TPRX1: variants seen among roughly 807,000 people sequenced by gnomAD.
TPRX1 encodes the protein tetra-peptide repeat homeobox protein 1.
Under a neutral mutation model 8.1 loss-of-function variants are expected in TPRX1, and 2 were observed. That is an observed-to-expected ratio of 0.25 (90% CI 0.10 to 0.78). TPRX1 has a LOEUF of 0.78. Among genes scored for constraint, TPRX1 ranks in the 30% least tolerant of loss-of-function variants. The probability of loss-of-function intolerance (pLI) is 0.70; values close to 1 mark genes in which losing one functional copy is unlikely to be tolerated. For synonymous variants in TPRX1, 257 were observed against 254.1 expected (o/e 1.01, Z -0.11); for missense variants, 517 against 586.9 (o/e 0.88, Z 1.23).
At chr19:47,802,385 C>A (rs1259253352) in exon 4 of TPRX1, 1 of 995,580 alleles carries the variant, frequency 1.0e-6, no homozygotes, top group Admixed American at 2.6e-5. Flanking sequence ...TGAGATTGGG[C>A]CTGGGATCGG....
exon 4 of TPRX1, chr19:47,802,343 A>T (rs773453525): frequency 1.7e-5 from 20 of 1,182,640 alleles, no homozygotes; most frequent in Admixed American, 7.2e-5. Context: ...TGGGCCTGGG[A>T]TCGGGCCTGG....
intron 2 of TPRX1, among the ~76,000 whole-genome samples, chr19:47,810,132 G>A (rs990557651): frequency 6.6e-6 from 1 of 150,828 alleles, no homozygotes; most frequent in Admixed American, 6.6e-5. Flanking sequence ...GAGGGCGCCT[G>A]TAATCCCAGC....
rs1317467655 is a variant in TPRX1, at chr19:47,818,344, CCATCCATCCATCCATCCATCCAT to C, written c.151+101_151+123del. ...ATCCATCCATCCATCCATCCATCAT[CCATCCATCCATCCATCCATCCAT>C]CATCCATCACCCATCCATCCCTCCA... On this transcript the variant is annotated intron_variant, in intron 2 of 3. Coordinates refer to ENST00000535759, the Ensembl canonical transcript of TPRX1. 11 of 278,558 alleles carry C rather than the reference CCATCCATCCATCCATCCATCCAT, an allele frequency of 3.9e-5. 1 individual carries two copies. The highest frequency in any genetic ancestry group is 2.0e-4 in the African/African-American group (5 of 24,544). 17.3% of individuals were successfully genotyped at this position (278,558 alleles called of 1,614,324 possible).
intron 3 of TPRX1, among the ~76,000 whole-genome samples, chr19:47,803,189 G>A (rs1967699412): frequency 6.6e-6 from 1 of 151,882 alleles, no homozygotes; most frequent in South Asian, 2.1e-4. Flanking sequence ...GGGTGGGATG[G>A]GAGGAGCGGG....
At chr19:47,810,349 T>TA (rs1967771709) in intron 2 of TPRX1, among the ~76,000 whole-genome samples, 1 of 129,858 alleles carries the variant, frequency 7.7e-6, no homozygotes, top group Admixed American at 7.4e-5. Flanking sequence ...CATCAATTTT[T>TA]TTTTTTTTTT....
At chr19:47,816,225 TACAGCTA>T (rs199786031) in intron 2 of TPRX1, among the ~76,000 whole-genome samples, 2,418 of 151,366 alleles carry the variant, frequency 0.016, 60 homozygotes, top group African/African-American at 0.054. Context: ...CACACCACCA[TACAGCTA>T]ATTTTTTGTA....
intron 2 of TPRX1, among the ~76,000 whole-genome samples, chr19:47,809,034 G>C (rs1967759610): frequency 6.6e-6 from 1 of 152,096 alleles, no homozygotes. Flanking sequence ...TCTGCTTGCT[G>C]TTTGCTGAAA....
exon 4 of TPRX1, chr19:47,801,654 A>T: frequency 8.3e-7 from 1 of 1,206,660 alleles, no homozygotes; most frequent in Non-Finnish European, 1.1e-6. Flanking sequence ...TGAAGACAGC[A>T]AATGTCCACC....
At chr19:47,802,495 T>C (rs1967684905) in exon 4 of TPRX1, 4 of 1,543,776 alleles carry the variant, frequency 2.6e-6, no homozygotes, top group South Asian at 2.4e-5. Context: ...GGTTTGGGCC[T>C]GAGAATGGGC....
At chr19:47,807,581 C>T (rs959815751) in intron 2 of TPRX1, among the ~76,000 whole-genome samples, 21 of 152,234 alleles carry the variant, frequency 1.4e-4, no homozygotes, top group African/African-American at 4.8e-4. Context: ...CCATGTTAGC[C>T]AGGCTAGTCT....
At chr19:47,808,441 A>G (rs184895219) in intron 2 of TPRX1, among the ~76,000 whole-genome samples, 217 of 147,188 alleles carry the variant, frequency 1.5e-3, no homozygotes, top group African/African-American at 5.2e-3. Flanking sequence ...TTATTTATTT[A>G]TTGAGACCGA....
At chr19:47,810,114 G>A (rs972428297) in intron 2 of TPRX1, among the ~76,000 whole-genome samples, 1 of 151,304 alleles carries the variant, frequency 6.6e-6, no homozygotes, top group Non-Finnish European at 1.5e-5. Context: ...AATGAGCTGG[G>A]TGTGGTGGAG....
At chr19:47,813,367 A>AC (rs1412602076) in intron 2 of TPRX1, among the ~76,000 whole-genome samples, 1 of 151,670 alleles carries the variant, frequency 6.6e-6, no homozygotes, top group East Asian at 2.0e-4. Flanking sequence ...AAAGCCCACG[A>AC]CCCCCCCAAA....
In TPRX1 at chr19:47,802,233, A is replaced by G. The variant is rs751292062; in HGVS notation, c.1069T>C (p.Ser357Pro). Residue 357 changes from serine (S) to proline (P), a missense_variant, in exon 4 of 4, where the codon TCA (serine) becomes CCA (proline). By Grantham distance (74) the Ser-to-Pro change is moderately conservative. Transcript: ENST00000535759. Reference sequence around the variant, plus strand: ...GGGCCTATAATTGGGCCTGGGCCTGAGATTGGGCCTGGGATTGGGCCTGGG... The same window carrying G: ...GGGCCTATAATTGGGCCTGGGCCTGGGATTGGGCCTGGGATTGGGCCTGGG... 29 of 1,587,634 alleles carry G rather than the reference A, an allele frequency of 1.8e-5. No homozygotes were observed. Among genetic ancestry groups the G allele is most frequent in the African/African-American group, 1.2e-4 (8 of 68,788 alleles).
intron 2 of TPRX1, among the ~76,000 whole-genome samples, chr19:47,816,555 T>TG (rs1967842870): frequency 7.6e-6 from 1 of 131,014 alleles, no homozygotes; most frequent in Admixed American, 8.6e-5. Flanking sequence ...TTTTTTGAGA[T>TG]GGAGTCTCAC....
intron 2 of TPRX1, among the ~76,000 whole-genome samples, chr19:47,806,530 AC>A (rs1249858910): frequency 9.2e-5 from 14 of 152,074 alleles, no homozygotes; most frequent in African/African-American, 3.4e-4. Context: ...AAAAAACAAA[AC>A]AACATCCCCC....
exon 4 of TPRX1, chr19:47,802,066 G>A (rs748776553): frequency 1.2e-6 from 2 of 1,601,136 alleles, no homozygotes; most frequent in East Asian, 2.2e-5. Flanking sequence ...CTGGGACTGA[G>A]CCTGAGCCTG....
chr19:47,814,113 G>A (rs1354937950), intron 2 of TPRX1, among the ~76,000 whole-genome samples: 2 of 151,496 alleles, frequency 1.3e-5, no homozygotes, highest in East Asian at 3.9e-4. Context: ...CTGGAGTGCA[G>A]TGGTGTGATC....
intron 2 of TPRX1, among the ~76,000 whole-genome samples, chr19:47,812,935 G>A (rs1263109064): frequency 6.6e-6 from 1 of 151,372 alleles, no homozygotes; most frequent in African/African-American, 2.4e-5. Context: ...GTGAAACCCC[G>A]TCTGTACTAA....
Sources: gnomAD v4.1 joint callset for allele counts (sites outside exome capture counted in the v4.1 genomes callset) on GRCh38, gnomAD v4.1.1 for gene constraint, MANE v1.5 for transcripts, NCBI Gene and HGNC (gene_info 2026-07-23, HGNC 2026-07-21) for gene names.